ELOVL5: variants seen among roughly 807,000 people sequenced by gnomAD.
The protein encoded by ELOVL5 is very long chain fatty acid elongase 5.
In ELOVL5, 8 loss-of-function variants were observed where a neutral mutation model predicts 38.6. That is an observed-to-expected ratio of 0.21 (90% CI 0.12 to 0.37). The LOEUF (loss-of-function observed/expected upper bound fraction) is 0.37. ELOVL5 is among the 10% of genes least tolerant of loss of function. The pLI, the probability that ELOVL5 is intolerant of heterozygous loss-of-function variation, is 1.00. For missense variants in ELOVL5, 280 were observed against 367.8 expected (o/e 0.76, Z 1.95); for synonymous variants, 127 against 133.7 (o/e 0.95, Z 0.34).
chr6:53,287,688 G>T (rs1766623446), intron 3 of ELOVL5, among the ~76,000 whole-genome samples: 1 of 152,202 alleles, frequency 6.6e-6, no homozygotes, highest in Non-Finnish European at 1.5e-5. Context: ...GAGTTTTAAG[G>T]GGTAGAGCCC....
intron 5 of ELOVL5, 89 bp from the exon 6 acceptor site, chr6:53,273,433 T>C: frequency 7.9e-7 from 1 of 1,262,074 alleles, no homozygotes; most frequent in Non-Finnish European, 1.1e-6. Flanking sequence ...AAGATTCTTT[T>C]TGAATCAGAA....
At chr6:53,296,552 C>T (rs1767009230) in intron 1 of ELOVL5, among the ~76,000 whole-genome samples, 1 of 152,104 alleles carries the variant, frequency 6.6e-6, no homozygotes, top group South Asian at 2.1e-4. Context: ...AAAATATATT[C>T]TTACTGTGGG....
chr6:53,278,831 G>T (rs1766243367), intron 3 of ELOVL5, among the ~76,000 whole-genome samples: 1 of 152,092 alleles, frequency 6.6e-6, no homozygotes. Flanking sequence ...TCAAACCACT[G>T]AATTCCATAT....
At position 53,270,737 on chromosome 6, in the gene ELOVL5, C is replaced by T. The variant is rs1477945025; in HGVS notation, c.622-10G>A. The T allele has an allele frequency of 1.2e-6, 2 of 1,613,990 alleles. No homozygotes were observed. The highest frequency in any genetic ancestry group is 2.2e-5 in the East Asian group (1 of 44,898). ...TCAGCACAAACTGAAGCTAGGGGAA[C>T]AGAGGGGATGCAGCTGAACAGGGAC... On this transcript the variant is annotated splice_polypyrimidine_tract_variant and intron_variant, in intron 6 of 7. Coordinates refer to ENST00000304434, the MANE Select transcript of ELOVL5 (RefSeq NM_021814.5).
At chr6:53,270,473 T>A in intron 7 of ELOVL5, 120 bp downstream of exon 7, 1 of 1,077,014 alleles carries the variant, frequency 9.3e-7, no homozygotes, top group Non-Finnish European at 1.4e-6. Context: ...TCATAGTGAC[T>A]CCATTAGAGG....
intron 2 of ELOVL5, 139 bp from the exon 3 acceptor site, chr6:53,292,102 G>A (rs1429966323): frequency 3.9e-6 from 2 of 515,206 alleles, no homozygotes; most frequent in African/African-American, 2.0e-5. Context: ...CAGGAGAGGA[G>A]GCATGGATTT....
Position 53,277,192 on chromosome 6 carries a change from T to C in ELOVL5, c.247-936A>G, listed in dbSNP as rs138273029. 582 of 153,836 alleles carry C rather than the reference T, an allele frequency of 3.8e-3. 2 individuals carry two copies. Among genetic ancestry groups the C allele is most frequent in the African/African-American group, 0.012 (512 of 41,568 alleles). The allele number at this position is 153,836 out of a possible 1,614,324, so 9.5% of individuals were successfully genotyped here. A position where few individuals can be genotyped will look rare whatever the true frequency, so the allele number is the denominator to read the frequency against. On this transcript the variant is annotated intron_variant, in intron 3 of 7. Coordinates refer to ENST00000304434, the MANE Select transcript of ELOVL5 (RefSeq NM_021814.5). ...AAGGATCTGAAGACACCTTGTGATA[T>C]TTCCACCTGGTCTGACATCAGAAAT...
chr6:53,343,851 T>C (rs1769429740), intron 1 of ELOVL5, among the ~76,000 whole-genome samples: 1 of 152,238 alleles, frequency 6.6e-6, no homozygotes, highest in Admixed American at 6.5e-5. Context: ...TTTTAATAAC[T>C]ATCATGGGAG....
intron 1 of ELOVL5, among the ~76,000 whole-genome samples, chr6:53,302,735 A>G (rs1399308218): frequency 6.6e-6 from 1 of 152,136 alleles, no homozygotes; most frequent in African/African-American, 2.4e-5. Flanking sequence ...CTAAAACAGT[A>G]AAGATATTTT....
At chr6:53,288,085 A>C in intron 3 of ELOVL5, 2 of 735,250 alleles carry the variant, frequency 2.7e-6, no homozygotes, top group Non-Finnish European at 4.6e-6. Context: ...ACTCTAACAA[A>C]GGAGTTAAAA....
At chr6:53,332,645 G>A (rs777655872) in intron 1 of ELOVL5, among the ~76,000 whole-genome samples, 4 of 152,144 alleles carry the variant, frequency 2.6e-5, no homozygotes, top group Non-Finnish European at 4.4e-5. Context: ...AGGGGAGTGC[G>A]TAGAGGAGTG....
intron 1 of ELOVL5, among the ~76,000 whole-genome samples, chr6:53,309,998 T>G (rs955144948): frequency 1.3e-5 from 2 of 152,196 alleles, no homozygotes; most frequent in Admixed American, 6.5e-5. Context: ...TGGGGGTAAT[T>G]TGTTAACAAT....
intron 3 of ELOVL5, among the ~76,000 whole-genome samples, chr6:53,283,330 C>G (rs540171594): frequency 5.9e-5 from 9 of 152,052 alleles, no homozygotes; most frequent in African/African-American, 2.2e-4. Flanking sequence ...CTGAGATGAC[C>G]CCCAACAATA....
chr6:53,342,077 A>G (rs1281541992), intron 1 of ELOVL5, among the ~76,000 whole-genome samples: 1 of 151,730 alleles, frequency 6.6e-6, no homozygotes, highest in Non-Finnish European at 1.5e-5. Flanking sequence ...ATTCTTTTAA[A>G]TGCACCTCAG....
chr6:53,291,999 C>G, intron 2 of ELOVL5, 36 bp from the exon 3 acceptor site: 1 of 1,333,850 alleles, frequency 7.5e-7, no homozygotes, highest in East Asian at 2.6e-5. Context: ...TATATAAAAA[C>G]ATTCACAACT....
Position 53,280,741 on chromosome 6 carries a change from C to T in ELOVL5, c.247-4485G>A, listed in dbSNP as rs116092265. Among the ~76,000 whole-genome samples, 642 of 152,218 alleles carry T rather than the reference C, an allele frequency of 4.2e-3. 4 individuals are homozygous for T. The highest frequency in any genetic ancestry group is 0.015 in the African/African-American group (621 of 41,530). Reference sequence around the variant, plus strand: ...CCAAGTAGCTGAGACTACAGGTGCACGCTGTCATGCCCGGCTAATTTTTAT... The same window carrying T: ...CCAAGTAGCTGAGACTACAGGTGCATGCTGTCATGCCCGGCTAATTTTTAT... On this transcript the variant is annotated intron_variant, in intron 3 of 7. Transcript: ENST00000304434.
intron 3 of ELOVL5, among the ~76,000 whole-genome samples, chr6:53,288,576 T>C (rs1156312145): frequency 6.6e-6 from 1 of 152,236 alleles, no homozygotes; most frequent in Non-Finnish European, 1.5e-5. Context: ...TAATGAGATA[T>C]AGAAGTAATA....
intron 1 of ELOVL5, among the ~76,000 whole-genome samples, chr6:53,332,102 C>T (rs1204039023): frequency 2.6e-5 from 4 of 152,184 alleles, no homozygotes. Flanking sequence ...GTCTCCATGA[C>T]CCAAACACCT....
Position 53,291,136 on chromosome 6 carries a change from A to AT in ELOVL5, c.246+639dup, listed in dbSNP as rs534940909. On this transcript the variant is annotated intron_variant, in intron 3 of 7. Coordinates refer to ENST00000304434, the MANE Select transcript of ELOVL5 (RefSeq NM_021814.5). ...AGGGAGAAGAGAAGGGTTGATTCTG[A>AT]TTTTTCTTTCATTTTTAAGCTATAA... Among the ~76,000 whole-genome samples the AT allele has an allele frequency of 9.2e-5, 14 of 152,166 alleles. No homozygotes were observed. In the East Asian group the frequency reaches 2.3e-3, roughly 25 times the overall value.
Sources: allele counts gnomAD v4.1 joint callset (sites outside exome capture counted in the v4.1 genomes callset), GRCh38; gene constraint gnomAD v4.1.1; transcripts MANE v1.5; gene names NCBI Gene and HGNC (gene_info 2026-07-23, HGNC 2026-07-21).